GADL1: variants seen among roughly 807,000 people sequenced by gnomAD.
GADL1 encodes the protein acidic amino acid decarboxylase GADL1.
GADL1 carries 71 observed loss-of-function variants against 69.5 expected under a neutral mutation model. The ratio of observed to expected loss-of-function variants is 1.02; its 90% CI spans 0.84 to 1.25. GADL1 has a LOEUF of 1.25. Among genes scored for constraint, GADL1 ranks in the 50% most tolerant of loss-of-function variants. The probability of loss-of-function intolerance (pLI) is 0.00; values close to 1 mark genes in which losing one functional copy is unlikely to be tolerated. For missense variants in GADL1, 737 were observed against 631.8 expected (o/e 1.17, Z -1.79); for synonymous variants, 254 against 214.4 (o/e 1.18, Z -1.62).
At chr3:30,866,910 G>A (rs1698412463) in intron 1 of GADL1, among the ~76,000 whole-genome samples, 1 of 152,038 alleles carries the variant, frequency 6.6e-6, no homozygotes, top group Non-Finnish European at 1.5e-5. Context: ...CTGACTGGCT[G>A]ACTGTATATT....
chr3:30,730,277 A>T (rs1180120713), intron 14 of GADL1, among the ~76,000 whole-genome samples: 2 of 152,178 alleles, frequency 1.3e-5, no homozygotes, highest in African/African-American at 4.8e-5. Context: ...AATCTAGTAA[A>T]AAAATATGTA....
At chr3:30,845,065 G>T (rs1005057829) in intron 6 of GADL1, among the ~76,000 whole-genome samples, 2 of 152,136 alleles carry the variant, frequency 1.3e-5, no homozygotes, top group Admixed American at 1.3e-4. Context: ...TATAAGTGCT[G>T]ATCAGACACT....
intron 9 of GADL1, among the ~76,000 whole-genome samples, chr3:30,835,526 C>CT (rs1697860132): frequency 6.6e-6 from 1 of 152,030 alleles, no homozygotes; most frequent in Admixed American, 6.6e-5. Flanking sequence ...ACTTTGTGGC[C>CT]TTAAATCCCA....
chr3:30,744,539 C>A (rs1695671826), intron 14 of GADL1, among the ~76,000 whole-genome samples: 2 of 151,908 alleles, frequency 1.3e-5, no homozygotes. Context: ...TAAAAAACTC[C>A]ATTTCTACCA....
At chr3:30,778,379 AT>A in intron 13 of GADL1, 111 bp from the exon 14 acceptor site, 1 of 680,782 alleles carries the variant, frequency 1.5e-6, no homozygotes, top group East Asian at 2.7e-5. Context: ...TGTGTATAAA[AT>A]TTTAACATCA....
chr3:30,870,295 T>G (rs1045247341), intron 1 of GADL1, among the ~76,000 whole-genome samples: 2 of 151,672 alleles, frequency 1.3e-5, no homozygotes, highest in Non-Finnish European at 2.9e-5. Context: ...GATATCTGAA[T>G]TGAGTTGTAA....
intron 12 of GADL1, chr3:30,800,198 A>AT (rs1697131609): frequency 6.5e-6 from 1 of 152,872 alleles, no homozygotes; most frequent in African/African-American, 2.4e-5. Context: ...AAAAAGGTTT[A>AT]ATTGGACTTA....
At chr3:30,893,406 C>G (rs1168257677) in intron 1 of GADL1, among the ~76,000 whole-genome samples, 1 of 151,976 alleles carries the variant, frequency 6.6e-6, no homozygotes, top group Non-Finnish European at 1.5e-5. Flanking sequence ...CTGAAATCCT[C>G]TCTTCTAGCT....
In GADL1 at chr3:30,763,882, GAT is replaced by G. The variant is rs1033035979; in HGVS notation, c.1392+14295_1392+14296del. On this transcript the variant is annotated intron_variant, in intron 14 of 14. Transcript: ENST00000282538. ...ATATCAGAAAATATCACCTTAAAATGATATAATTTGGTTATCCATATTTGAAA... is the reference window on the plus strand; with the variant it reads ...ATATCAGAAAATATCACCTTAAAATGATAATTTGGTTATCCATATTTGAAA... Among the ~76,000 whole-genome samples, 26 of 151,824 alleles carry G rather than the reference GAT, an allele frequency of 1.7e-4. 1 individual carries two copies. The highest frequency in any genetic ancestry group is 1.4e-3 in the East Asian group (7 of 5,054).
rs139258920 is a variant in GADL1, at chr3:30,832,071, AAG to A, written c.1050+1780_1050+1781del. On this transcript the variant is annotated intron_variant, in intron 11 of 14. Coordinates refer to ENST00000282538, the MANE Select transcript of GADL1 (RefSeq NM_207359.3). ...TTGATGGAATGAATTAATGATATGG[AAG>A]AGAGTAACAGAGGCAGAAACCAGGT... Among the ~76,000 whole-genome samples, 1,169 of 152,070 alleles carry A rather than the reference AAG, an allele frequency of 7.7e-3. 8 individuals are homozygous for A. Among genetic ancestry groups the A allele is most frequent in the Middle Eastern group, 0.017 (5 of 294 alleles).
At chr3:30,816,527 T>A (rs201595394) in intron 11 of GADL1, among the ~76,000 whole-genome samples, 6,265 of 125,602 alleles carry the variant, frequency 0.05, 609 homozygotes, top group African/African-American at 0.17. Flanking sequence ...CTTAATTTGT[T>A]TTCTTTTTTT....
At chr3:30,777,580 G>A (rs1007136565) in intron 14 of GADL1, among the ~76,000 whole-genome samples, 17 of 152,310 alleles carry the variant, frequency 1.1e-4, no homozygotes, top group South Asian at 2.1e-4. Context: ...CATGCTAGGC[G>A]AGGAGTAGAT....
chr3:30,827,582 C>T (rs1266529928), intron 11 of GADL1, among the ~76,000 whole-genome samples: 17 of 151,872 alleles, frequency 1.1e-4, no homozygotes, highest in Admixed American at 1.1e-3. Context: ...GAGGCTCTAA[C>T]ATTATTATCC....
intron 12 of GADL1, among the ~76,000 whole-genome samples, chr3:30,794,629 G>A (rs7620112): frequency 0.2 from 30,554 of 152,070 alleles, 3,505 homozygotes; most frequent in Non-Finnish European, 0.26. Flanking sequence ...TGGGAGAAAT[G>A]TTCTCTCTTC....
At chr3:30,839,522 A>AAAAAAAAAAAAG (rs1235367070) in intron 8 of GADL1, among the ~76,000 whole-genome samples, 7 of 150,784 alleles carry the variant, frequency 4.6e-5, no homozygotes, top group African/African-American at 1.7e-4. Context: ...CTCAAAAAAA[A>AAAAAAAAAAAAG]AAAAAGGTTG....
At position 30,834,228 on chromosome 3, in the gene GADL1, A is replaced by ATGC; in HGVS notation, c.954_956dup (p.Leu318_His319insGln). ...GAAACTACATTTACCTGTGGATGCCATGCAGAAGCTTGCGGTGCTTCCTCG... is the reference window on the plus strand; with the variant it reads ...GAAACTACATTTACCTGTGGATGCCATGCTGCAGAAGCTTGCGGTGCTTCCTCG... On this transcript the variant is annotated inframe_insertion, in exon 10 of 15. Transcript: ENST00000282538. 6.2e-7 allele frequency: 1 copy of ATGC among 1,612,886 alleles called. No individual in the cohort carries two copies. The highest frequency in any genetic ancestry group is 8.5e-7 in the Non-Finnish European group (1 of 1,179,186).
chr3:30,893,270 T>C (rs1405681749), intron 1 of GADL1, among the ~76,000 whole-genome samples: 2 of 152,236 alleles, frequency 1.3e-5, no homozygotes, highest in Non-Finnish European at 2.9e-5. Context: ...TTATTGTTTT[T>C]AATTGAGACA....
At chr3:30,742,443 A>C (rs1695639857) in intron 14 of GADL1, among the ~76,000 whole-genome samples, 2 of 152,050 alleles carry the variant, frequency 1.3e-5, no homozygotes, top group Admixed American at 6.6e-5. Flanking sequence ...TCTAGCTCCC[A>C]GTTTCTTACC....
At chr3:30,741,190 ATGTGTGTGTG>A (rs60283911) in intron 14 of GADL1, among the ~76,000 whole-genome samples, 7 of 132,632 alleles carry the variant, frequency 5.3e-5, no homozygotes, top group South Asian at 4.6e-4. Context: ...TTATATAATT[ATGTGTGTGTG>A]TGTGTGTGTG....
Sources: gnomAD v4.1 joint callset for allele counts (sites outside exome capture counted in the v4.1 genomes callset) on GRCh38, gnomAD v4.1.1 for gene constraint, MANE v1.5 for transcripts, NCBI Gene and HGNC (gene_info 2026-07-23, HGNC 2026-07-21) for gene names.